The following LTK variants were observed in gnomAD, a reference collection of about 807,000 sequenced individuals.
LTK encodes the protein leukocyte tyrosine kinase receptor.
Under a neutral mutation model 101.5 loss-of-function variants are expected in LTK, and 117 were observed. The observed-to-expected ratio is 1.15, with a 90% CI of 0.99 to 1.34. LTK has a LOEUF of 1.34. Among genes scored for constraint, LTK ranks in the 40% most tolerant of loss-of-function variants. LTK has a pLI of 0.00. For missense variants in LTK, 1,252 were observed against 1,164.7 expected (o/e 1.07, Z -1.09); for synonymous variants, 563 against 494.2 (o/e 1.14, Z -1.85).
In LTK at chr15:41,503,928, C is replaced by T. The variant is rs1380896971; in HGVS notation, c.*68G>A. On this transcript the variant is annotated 3_prime_UTR_variant, in exon 20 of 20. Coordinates refer to ENST00000263800, the MANE Select transcript of LTK (RefSeq NM_002344.6). ...GAGGCCGCTGGCATAACAGGCCACC[C>T]AGGAGCCTGAGGAGTATAGGGAGGG... The T allele has an allele frequency of 6.0e-6, 9 of 1,505,926 alleles. No homozygotes were observed. In the East Asian group the frequency reaches 1.6e-4, roughly 27 times the overall value. 93.3% of individuals were successfully genotyped at this position (1,505,926 alleles called of 1,614,324 possible).
chr15:41,506,647 A>G (rs1361087916), intron 11 of LTK, among the ~76,000 whole-genome samples: 4 of 151,510 alleles, frequency 2.6e-5, no homozygotes, highest in Non-Finnish European at 5.9e-5. Flanking sequence ...CTGGAGTGCA[A>G]TGGCGCAATC....
chr15:41,503,898 G>T lies in LTK; in HGVS notation c.*98C>A. 7.3e-7 allele frequency: 1 copy of T among 1,364,688 alleles called. No individual in the cohort carries two copies. The highest frequency in any genetic ancestry group is 9.8e-7 in the Non-Finnish European group (1 of 1,015,344). The allele number at this position is 1,364,688 out of a possible 1,614,324, so 84.5% of individuals were successfully genotyped here. On this transcript the variant is annotated 3_prime_UTR_variant, in exon 20 of 20. Transcript: ENST00000263800. The stretch of plus-strand genomic sequence containing the variant: ...CCAGACACACAGCACAGACTGCAGG[G>T]AACAGAGGCCGCTGGCATAACAGGC...
intron 17 of LTK, 29 bp downstream of exon 17, chr15:41,504,744 G>A (rs1449186940): frequency 1.9e-6 from 3 of 1,579,436 alleles, no homozygotes; most frequent in Admixed American, 3.5e-5. Context: ...GGGGAACAGT[G>A]GGGAAGGGGA....
At chr15:41,512,297 T>A in intron 3 of LTK, 32 bp from the exon 4 acceptor site, 1 of 1,596,346 alleles carries the variant, frequency 6.3e-7, no homozygotes, top group Non-Finnish European at 8.5e-7. Flanking sequence ...TCCCCGGCCT[T>A]CGGTGCTCAG....
chr15:41,509,393 T>C (rs1388239205), intron 7 of LTK, among the ~76,000 whole-genome samples: 1 of 152,152 alleles, frequency 6.6e-6, no homozygotes, highest in Non-Finnish European at 1.5e-5. Context: ...TGTGAGAATG[T>C]AGATCATGTG....
Position 41,511,120 on chromosome 15 carries a change from C to A in LTK, c.997+44G>T. ...CTGTACTTAGGTTCTAACATCACCTCACCCTCGGGCCTGCTCAGCTGCCCT... is the reference window on the plus strand; with the variant it reads ...CTGTACTTAGGTTCTAACATCACCTAACCCTCGGGCCTGCTCAGCTGCCCT... On this transcript the variant is annotated intron_variant, in intron 7 of 19. Transcript: ENST00000263800. The surrounding 1 kb of genome is among the most constrained non-coding windows in gnomAD (Gnocchi z 5.9). 1.5e-6 allele frequency: 2 copies of A among 1,354,102 alleles called. No individual in the cohort carries two copies. The highest frequency in any genetic ancestry group is 1.9e-6 in the Non-Finnish European group (2 of 1,056,930). The allele number at this position is 1,354,102 out of a possible 1,614,324, so 83.9% of individuals were successfully genotyped here.
rs772059924 is a variant in LTK, at chr15:41,509,130, CT to C, written c.998-2del. ...TTGTCAGTCTCTGAAGCGTCGCCCC[CT>C]GGAAGTGGAGAGTGATGGAGAGTTT... On this transcript the variant is annotated splice_acceptor_variant, in intron 7 of 19. Transcript: ENST00000263800. LOFTEE classifies it high-confidence loss of function. 13 of 1,597,624 alleles carry C rather than the reference CT, an allele frequency of 8.1e-6. No individual in the cohort carries two copies. Among genetic ancestry groups the C allele is most frequent in the Non-Finnish European group, 1.1e-5 (13 of 1,165,228 alleles).
At position 41,507,458 on chromosome 15, in the gene LTK, C is replaced by T. The variant is rs542488396; in HGVS notation, c.1345+104G>A. 4.4e-5 allele frequency: 68 copies of T among 1,553,148 alleles called. No individual in the cohort carries two copies. The South Asian group carries it at 5.2e-4, about 12-fold the overall frequency. ...AGAGGAGTCTACCACGGCTCTGCTG[C>T]GGTGAGTGGTCTTGAAGTCAGCCCC... On this transcript the variant is annotated intron_variant, in intron 10 of 19. Coordinates refer to ENST00000263800, the MANE Select transcript of LTK (RefSeq NM_002344.6).
intron 8 of LTK, 103 bp downstream of exon 8, chr15:41,508,927 AG>A: frequency 1.4e-6 from 1 of 715,914 alleles, no homozygotes; most frequent in East Asian, 2.6e-5. Flanking sequence ...GTGCTATGCA[AG>A]GTTATTCACA....
At position 41,512,821 on chromosome 15, in the gene LTK, G is replaced by T. The variant is rs1401874647; in HGVS notation, c.245C>A (p.Thr82Lys). 1.2e-6 allele frequency: 2 copies of T among 1,612,546 alleles called. No individual in the cohort carries two copies. Among genetic ancestry groups the T allele is most frequent in the African/African-American group, 2.7e-5 (2 of 74,936 alleles). The change falls in exon 3 of 20, where the codon ACA becomes AAA. Residue 82 changes from threonine (T) to lysine (K), a missense_variant. Coordinates refer to ENST00000263800, the MANE Select transcript of LTK (RefSeq NM_002344.6). ...TCGASGRHGP[T>K]QTQCDGAYAG... ...GTACGCCCCGTCACATTGTGTCTGT[G>T]TGGGCCCATGCCGGCCGCTGGCCCC...
At chr15:41,510,299 C>A (rs1377911040) in intron 7 of LTK, among the ~76,000 whole-genome samples, 1 of 152,198 alleles carries the variant, frequency 6.6e-6, no homozygotes, top group Non-Finnish European at 1.5e-5. Flanking sequence ...AGCCACCGCG[C>A]CCCGCCTCTC....
chr15:41,511,934 G>A lies in LTK; in HGVS notation c.540C>T (p.Leu180=), dbSNP rs1433042125. The part of the protein sequence containing the change: ...GGSPESQLVC[L]GESRAVEEHA... Reference sequence around the variant, plus strand: ...GCTCTTCAACGGCTCGAGACTCCCCGAGGCAGACGAGCTGGCTCTCCGGGC... The same window carrying A: ...GCTCTTCAACGGCTCGAGACTCCCCAAGGCAGACGAGCTGGCTCTCCGGGC... Residue 180 remains leucine, a synonymous_variant, in exon 5 of 20, where the codon CTC becomes CTT. Coordinates refer to ENST00000263800, the MANE Select transcript of LTK (RefSeq NM_002344.6). This position sits in a 1 kb window ranked among gnomAD's most constrained non-coding sequence, Gnocchi z 5.9. 1.5e-6 allele frequency: 2 copies of A among 1,356,006 alleles called. No individual in the cohort carries two copies. Among genetic ancestry groups the A allele is most frequent in the Non-Finnish European group, 1.9e-6 (2 of 1,048,780 alleles). 84.0% of individuals were successfully genotyped at this position (1,356,006 alleles called of 1,614,324 possible).
In LTK at chr15:41,504,911, C is replaced by T. The variant is rs767036081; in HGVS notation, c.2019-37G>A. Reference sequence around the variant, plus strand: ...AGGAGGTGAATGATGAGTTGTTCACCACCAAGGTGCGGGGAAAACCCCCTT... The same window carrying T: ...AGGAGGTGAATGATGAGTTGTTCACTACCAAGGTGCGGGGAAAACCCCCTT... On this transcript the variant is annotated intron_variant, in intron 16 of 19. Transcript: ENST00000263800. The T allele has an allele frequency of 6.2e-6, 10 of 1,602,268 alleles. No homozygotes were observed. The African/African-American group carries it at 6.7e-5, about 11-fold the overall frequency.
At chr15:41,506,961 C>T (rs1188493772) in intron 11 of LTK, 134 bp downstream of exon 11, 3 of 756,650 alleles carry the variant, frequency 4.0e-6, no homozygotes, top group Non-Finnish European at 6.5e-6. Context: ...TGGAGCTTCT[C>T]AGGGCCTCCC....
rs2051371443 is a variant in LTK, at chr15:41,508,973, G to T, written c.1096+58C>A. On this transcript the variant is annotated intron_variant, in intron 8 of 19. Coordinates refer to ENST00000263800, the MANE Select transcript of LTK (RefSeq NM_002344.6). ...GCTCTTCAGTGCAGTGCAGGAGTGGGCTCAGGGACTGCGGAAGAAGTCCAG... is the reference window on the plus strand; with the variant it reads ...GCTCTTCAGTGCAGTGCAGGAGTGGTCTCAGGGACTGCGGAAGAAGTCCAG... The T allele has an allele frequency of 5.1e-6, 6 of 1,182,664 alleles. No homozygotes were observed. The Admixed American group carries it at 5.8e-5, about 11-fold the overall frequency. The allele number at this position is 1,182,664 out of a possible 1,614,324, so 73.3% of individuals were successfully genotyped here.
chr15:41,512,713 T>C lies in LTK; in HGVS notation c.353A>G (p.Gln118Arg). The change falls in exon 3 of 20, where the codon CAG (glutamine) becomes CGG (arginine). Residue 118 changes from glutamine (Q) to arginine (R), a missense_variant. Transcript: ENST00000263800. The stretch of plus-strand genomic sequence containing the variant: ...ACCTCCGCCGTGCACTTACAGATAC[T>C]GGCCAGGGCCCGGCACGCGCCACAG... ...VQLWRVPGPGQYLISAYGAAG... is the reference protein window; with the variant it reads ...VQLWRVPGPGRYLISAYGAAG... 4 of 1,584,512 alleles carry C rather than the reference T, an allele frequency of 2.5e-6. No individual in the cohort carries two copies. Among genetic ancestry groups the C allele is most frequent in the Non-Finnish European group, 3.4e-6 (4 of 1,167,992 alleles).
At chr15:41,512,063 C>G (rs1007046866) in intron 4 of LTK, 52 bp downstream of exon 4, 18 of 1,515,900 alleles carry the variant, frequency 1.2e-5, no homozygotes, top group Non-Finnish European at 1.5e-5. Context: ...GGCCCCCAGG[C>G]AGCCCTCGCC....
rs773563473 is a variant in LTK, at chr15:41,512,124, G to A, written c.501C>T (p.Ala167=). ...YILVGQQGED[A]CPGGSPESQL... ...CACTGGCTGCGCTCACTCCGGGACA[G>A]GCGTCCTCTCCCTGCTGCCCCACCA... The change falls in exon 4 of 20, where the codon GCC becomes GCT. Residue 167 remains alanine (A), a synonymous_variant. Transcript: ENST00000263800. The A allele has an allele frequency of 1.2e-6, 2 of 1,609,180 alleles. No individual in the cohort carries two copies. The highest frequency in any genetic ancestry group is 2.2e-5 in the South Asian group (2 of 90,620).
intron 11 of LTK, among the ~76,000 whole-genome samples, chr15:41,506,397 C>A (rs915144595): frequency 2.0e-5 from 3 of 152,126 alleles, no homozygotes; most frequent in African/African-American, 4.8e-5. Context: ...CTCTGCCTCT[C>A]GGGTTCAAGT....
Sources: gnomAD v4.1 joint callset for allele counts (sites outside exome capture counted in the v4.1 genomes callset) on GRCh38, gnomAD v4.1.1 for gene constraint, Gnocchi (gnomAD v3.1) non-coding constraint, MANE v1.5 for transcripts, NCBI Gene and HGNC (gene_info 2026-07-23, HGNC 2026-07-21) for gene names.